The following GRM8 variants were observed in gnomAD, a reference collection of about 807,000 sequenced individuals.
GRM8 encodes the protein glutamate metabotropic receptor 8.
GRM8 carries 47 observed loss-of-function variants against 87.2 expected under a neutral mutation model. That is an observed-to-expected ratio of 0.54 (90% confidence interval 0.43 to 0.69). The LOEUF (loss-of-function observed/expected upper bound fraction) is 0.69. GRM8 is among the 30% of genes least tolerant of loss of function. The probability of loss-of-function intolerance (pLI) is 0.00; values close to 1 mark genes in which losing one functional copy is unlikely to be tolerated. For synonymous variants in GRM8, 396 were observed against 404.5 expected (o/e 0.98, Z 0.25); for missense variants, 1,019 against 1,139.2 (o/e 0.89, Z 1.52).
chr7:127,034,941 A>G (rs1817713297), intron 3 of GRM8, among the ~76,000 whole-genome samples: 1 of 152,200 alleles, frequency 6.6e-6, no homozygotes, highest in Admixed American at 6.5e-5. Flanking sequence ...AAATATCTGC[A>G]GAGCTTTAAA....
chr7:126,819,813 A>G (rs1563217461), intron 6 of GRM8, among the ~76,000 whole-genome samples: 1 of 152,134 alleles, frequency 6.6e-6, no homozygotes, highest in Non-Finnish European at 1.5e-5. Context: ...GGAATGGAAA[A>G]GACCTTTCTA....
chr7:127,198,650 C>T (rs538538431), intron 2 of GRM8, among the ~76,000 whole-genome samples: 3 of 151,360 alleles, frequency 2.0e-5, no homozygotes, highest in African/African-American at 7.3e-5. Context: ...TTGTCCAGTG[C>T]TATTTTTCAT....
chr7:127,193,686 C>T (rs151149070), intron 2 of GRM8, among the ~76,000 whole-genome samples: 2,529 of 152,190 alleles, frequency 0.017, 30 homozygotes, highest in Middle Eastern at 0.041. Flanking sequence ...CTAATAATCA[C>T]CTTCTCAAAT....
At position 127,059,343 on chromosome 7, in the gene GRM8, T is replaced by G. The variant is rs548507104; in HGVS notation, c.727+47153A>C. 7.2e-3 allele frequency among the ~76,000 whole-genome samples: 1,073 copies of G among 149,498 alleles called. 8 individuals are homozygous for G. The highest frequency in any genetic ancestry group is 0.011 in the South Asian group (50 of 4,678). On this transcript the variant is annotated intron_variant, in intron 3 of 10. Coordinates refer to ENST00000339582, the MANE Select transcript of GRM8 (RefSeq NM_000845.3). Reference sequence around the variant, plus strand: ...TTTTTTTTTTTTGCTTTTTTTTTTTTTTGTTTTTTTTGAGATGGAGTCTTG... The same window carrying G: ...TTTTTTTTTTTTGCTTTTTTTTTTTGTTGTTTTTTTTGAGATGGAGTCTTG...
intron 2 of GRM8, among the ~76,000 whole-genome samples, chr7:127,161,373 A>C (rs1793106251): frequency 6.6e-6 from 1 of 152,112 alleles, no homozygotes; most frequent in South Asian, 2.1e-4. Context: ...ACAGCTGGAG[A>C]GATAGAATCT....
intron 6 of GRM8, among the ~76,000 whole-genome samples, chr7:126,799,221 G>GA (rs556494442): frequency 8.7e-4 from 133 of 152,168 alleles, no homozygotes; most frequent in Admixed American, 4.7e-3. Flanking sequence ...TCTGCATTTT[G>GA]ACAAGATCCC....
chr7:127,242,541 G>T (rs1798367042), intron 2 of GRM8, among the ~76,000 whole-genome samples, 154 bp downstream of exon 2: 1 of 151,682 alleles, frequency 6.6e-6, no homozygotes, highest in African/African-American at 2.4e-5. Flanking sequence ...CATGTAGAAT[G>T]CCCCATATAG....
intron 2 of GRM8, among the ~76,000 whole-genome samples, chr7:127,187,907 T>C (rs1294808110): frequency 6.6e-6 from 1 of 152,180 alleles, no homozygotes; most frequent in Non-Finnish European, 1.5e-5. Context: ...GAATCAAAGG[T>C]CTCTTTTATC....
At chr7:126,450,535 C>G (rs577427954) in intron 9 of GRM8, among the ~76,000 whole-genome samples, 1 of 152,004 alleles carries the variant, frequency 6.6e-6, no homozygotes, top group African/African-American at 2.4e-5. Flanking sequence ...ATCTGCGTGT[C>G]TGCCAAAGTG....
At chr7:127,227,409 C>T (rs1024795806) in intron 2 of GRM8, among the ~76,000 whole-genome samples, 1 of 152,164 alleles carries the variant, frequency 6.6e-6, no homozygotes, top group Non-Finnish European at 1.5e-5. Flanking sequence ...ATTCTAGACT[C>T]TAGATTCTAG....
intron 2 of GRM8, among the ~76,000 whole-genome samples, chr7:127,143,053 G>C (rs944402878): frequency 1.3e-5 from 2 of 152,130 alleles, no homozygotes; most frequent in Non-Finnish European, 2.9e-5. Context: ...AAGTGAAAGG[G>C]ACAGTCCAAG....
chr7:126,707,135 C>T (rs1428361322), intron 7 of GRM8, among the ~76,000 whole-genome samples: 1 of 152,068 alleles, frequency 6.6e-6, no homozygotes, highest in African/African-American at 2.4e-5. Flanking sequence ...AAAACCCTAT[C>T]TCTATTTTTT....
Position 127,242,110 on chromosome 7 carries a change from C to A in GRM8, c.510+585G>T, listed in dbSNP as rs368129491. ...CAATAAGAATTATATATAATTATTC[C>A]AAGTCTGTATCAGAGCAGTCTGAAT... On this transcript the variant is annotated intron_variant, in intron 2 of 10. Transcript: ENST00000339582. Among the ~76,000 whole-genome samples the A allele has an allele frequency of 6.5e-4, 99 of 152,074 alleles. No individual in the cohort carries two copies. In the East Asian group the frequency reaches 0.013, roughly 20 times the overall value.
intron 2 of GRM8, among the ~76,000 whole-genome samples, chr7:127,127,172 C>T (rs767075468): frequency 3.9e-5 from 6 of 151,934 alleles, no homozygotes; most frequent in Non-Finnish European, 8.8e-5. Context: ...ATATATATAT[C>T]CCTTATGTGT....
chr7:126,847,398 C>T (rs185533911), intron 6 of GRM8, among the ~76,000 whole-genome samples: 2 of 152,220 alleles, frequency 1.3e-5, no homozygotes, highest in African/African-American at 2.4e-5. Context: ...TAACAAAATG[C>T]CCCAAACTGA....
At chr7:126,445,996 G>A (rs528256642) in intron 10 of GRM8, 130 bp downstream of exon 10, 27 of 1,033,820 alleles carry the variant, frequency 2.6e-5, no homozygotes, top group African/African-American at 3.1e-5. Flanking sequence ...ATGGTGTCAC[G>A]GTATGTGAGT....
intron 2 of GRM8, among the ~76,000 whole-genome samples, chr7:127,216,784 T>G (rs1003948795): frequency 2.0e-5 from 3 of 152,164 alleles, no homozygotes; most frequent in African/African-American, 7.2e-5. Context: ...AGGTGCCTAG[T>G]TCATTCTCAC....
chr7:126,959,469 G>A lies in GRM8; in HGVS notation c.728-54786C>T, dbSNP rs185261905. Among the ~76,000 whole-genome samples, 731 of 152,056 alleles carry A rather than the reference G, an allele frequency of 4.8e-3. 6 individuals carry two copies. The highest frequency in any genetic ancestry group is 0.017 in the African/African-American group (697 of 41,494). ...TTTGAGAGATAATAACACTGTACAG[G>A]GTTTAGAAGTCATGGAAATTTATAT... On this transcript the variant is annotated intron_variant, in intron 3 of 10. Coordinates refer to ENST00000339582, the MANE Select transcript of GRM8 (RefSeq NM_000845.3).
At chr7:127,188,537 C>A (rs1338478035) in intron 2 of GRM8, among the ~76,000 whole-genome samples, 1 of 152,092 alleles carries the variant, frequency 6.6e-6, no homozygotes, top group Admixed American at 6.5e-5. Context: ...TGAAAAAAAC[C>A]ATCTTCAATG....
Sources: gnomAD v4.1 joint callset for allele counts (sites outside exome capture counted in the v4.1 genomes callset) on GRCh38, gnomAD v4.1.1 for gene constraint, MANE v1.5 for transcripts, NCBI Gene and HGNC (gene_info 2026-07-23, HGNC 2026-07-21) for gene names.